The following CADM2 variants were observed in gnomAD, a reference collection of about 807,000 sequenced individuals.
CADM2 encodes the protein immunoglobulin superfamily member 4D.
A neutral mutation model predicts 49.8 loss-of-function variants in CADM2; 12 were observed. The observed-to-expected ratio is 0.24, with a 90% CI of 0.15 to 0.39. The LOEUF (loss-of-function observed/expected upper bound fraction) is 0.39. Ranked by LOEUF, CADM2 falls within the 10% of genes least tolerant of loss-of-function variation. The pLI, the probability that CADM2 is intolerant of heterozygous loss-of-function variation, is 1.00. For synonymous variants in CADM2, 214 were observed against 175.4 expected (o/e 1.22, Z -1.74); for missense variants, 378 against 492.3 (o/e 0.77, Z 2.20).
intron 2 of CADM2, chr3:85,800,433 CA>C: frequency 2.0e-5 from 3 of 149,496 alleles, no homozygotes; most frequent in Non-Finnish European, 4.2e-5. Flanking sequence ...ACTGGGATAC[CA>C]AAAACAAACA....
chr3:85,947,600 G>T (rs1722905205), intron 7 of CADM2, among the ~76,000 whole-genome samples: 1 of 151,148 alleles, frequency 6.6e-6, no homozygotes, highest in Non-Finnish European at 1.5e-5. Context: ...CTTTTCTGAG[G>T]TCCATATGGT....
At chr3:86,056,949 C>A (rs1487156305) in intron 8 of CADM2, among the ~76,000 whole-genome samples, 1 of 152,096 alleles carries the variant, frequency 6.6e-6, no homozygotes, top group Non-Finnish European at 1.5e-5. Flanking sequence ...TTTGCTTTAA[C>A]CCGTCATTGA....
intron 1 of CADM2, among the ~76,000 whole-genome samples, chr3:85,435,570 T>C (rs2036888828): frequency 6.6e-6 from 1 of 152,168 alleles, no homozygotes; most frequent in South Asian, 2.1e-4. Flanking sequence ...TTTCTGGTTT[T>C]AGATCCTTGA....
chr3:86,007,408 G>A (rs1033278326), intron 8 of CADM2, among the ~76,000 whole-genome samples: 1 of 152,062 alleles, frequency 6.6e-6, no homozygotes, highest in Non-Finnish European at 1.5e-5. Flanking sequence ...TTAATAGGTT[G>A]CTTTTAGCAC....
chr3:85,545,678 C>T (rs1457793590), intron 1 of CADM2, among the ~76,000 whole-genome samples: 5 of 152,110 alleles, frequency 3.3e-5, no homozygotes, highest in South Asian at 4.2e-4. Context: ...CAATATGGAC[C>T]GAATAGGGCT....
chr3:85,096,126 T>C (rs751065228), intron 1 of CADM2, among the ~76,000 whole-genome samples: 15 of 152,190 alleles, frequency 9.9e-5, no homozygotes, highest in Non-Finnish European at 1.6e-4. Flanking sequence ...ATATTTATTC[T>C]ACAATACCAG....
chr3:85,294,833 A>C (rs1353498465), intron 1 of CADM2, among the ~76,000 whole-genome samples: 7 of 152,330 alleles, frequency 4.6e-5, no homozygotes, highest in Middle Eastern at 3.4e-3. Flanking sequence ...AAACCATAAA[A>C]ACCCTAGAAG....
At chr3:85,427,746 A>G (rs1340695784) in intron 1 of CADM2, among the ~76,000 whole-genome samples, 3 of 152,132 alleles carry the variant, frequency 2.0e-5, no homozygotes, top group Non-Finnish European at 4.4e-5. Context: ...AACTTCTGTC[A>G]TCATTTTGAA....
chr3:85,204,218 G>T (rs182203763), intron 1 of CADM2, among the ~76,000 whole-genome samples: 2 of 152,186 alleles, frequency 1.3e-5, no homozygotes, highest in Admixed American at 6.5e-5. Flanking sequence ...TAAATAGGAT[G>T]CACAGATATT....
intron 8 of CADM2, among the ~76,000 whole-genome samples, chr3:85,986,238 G>A (rs529415789): frequency 1.3e-5 from 2 of 151,558 alleles, no homozygotes; most frequent in South Asian, 2.1e-4. Context: ...AGAATACAAA[G>A]AAATAAAGAA....
rs558282091 is a variant in CADM2 at position 85,248,277 on chromosome 3, T to A, written c.61+288609T>A. On this transcript the variant is annotated intron_variant, in intron 1 of 9. Coordinates refer to ENST00000383699, the MANE Select transcript of CADM2 (RefSeq NM_001167675.2). ...CATTCACATTTCTATTTATTTATTT[T>A]TTTTTAACTTTTTTTGAGACAGAGT... 5.9e-5 allele frequency among the ~76,000 whole-genome samples: 9 copies of A among 152,294 alleles called. No homozygotes were observed. In the South Asian group the frequency reaches 1.2e-3, roughly 21 times the overall value.
chr3:85,295,384 G>A (rs1443453302), intron 1 of CADM2, among the ~76,000 whole-genome samples: 4 of 152,122 alleles, frequency 2.6e-5, no homozygotes, highest in Non-Finnish European at 5.9e-5. Flanking sequence ...TCAGTGTGGC[G>A]ATTCCTCAGG....
intron 1 of CADM2, among the ~76,000 whole-genome samples, chr3:85,664,598 T>C (rs2065508712): frequency 6.6e-6 from 1 of 151,986 alleles, no homozygotes; most frequent in African/African-American, 2.4e-5. Context: ...TCATTTTTTT[T>C]CCTTATAATA....
At chr3:85,425,866 A>G (rs1161910519) in intron 1 of CADM2, among the ~76,000 whole-genome samples, 3 of 152,218 alleles carry the variant, frequency 2.0e-5, no homozygotes, top group Non-Finnish European at 2.9e-5. Flanking sequence ...TCCAACAAAT[A>G]AACAGGTGGT....
intron 1 of CADM2, among the ~76,000 whole-genome samples, chr3:85,250,201 G>C: frequency 6.6e-6 from 1 of 151,470 alleles, no homozygotes; most frequent in East Asian, 1.9e-4. Flanking sequence ...TCAGTAACAT[G>C]ATATAAACCA....
chr3:85,858,308 A>G (rs979520700), intron 3 of CADM2, among the ~76,000 whole-genome samples: 3 of 152,236 alleles, frequency 2.0e-5, no homozygotes, highest in African/African-American at 7.2e-5. Flanking sequence ...AACTTTGTTT[A>G]TCCGATTATA....
intron 1 of CADM2, among the ~76,000 whole-genome samples, chr3:85,017,218 A>G (rs2034289700): frequency 6.6e-6 from 1 of 152,186 alleles, no homozygotes; most frequent in African/African-American, 2.4e-5. Flanking sequence ...ATGAATGACT[A>G]TTAAGTGGAT....
At chr3:85,905,918 A>C (rs1716741170) in intron 5 of CADM2, among the ~76,000 whole-genome samples, 1 of 152,088 alleles carries the variant, frequency 6.6e-6, no homozygotes, top group Non-Finnish European at 1.5e-5. Flanking sequence ...CAAGTGATTC[A>C]TTTATTCATT....
chr3:85,137,819 G>A (rs1431360121), intron 1 of CADM2, among the ~76,000 whole-genome samples: 1 of 151,944 alleles, frequency 6.6e-6, no homozygotes. Flanking sequence ...GAATATTTTG[G>A]CTGAATCATA....
Sources: allele counts gnomAD v4.1 joint callset (sites outside exome capture counted in the v4.1 genomes callset), GRCh38; gene constraint gnomAD v4.1.1; transcripts MANE v1.5; gene names NCBI Gene and HGNC (gene_info 2026-07-23, HGNC 2026-07-21).